GSE1: variants seen among roughly 807,000 people sequenced by gnomAD.
GSE1 encodes the protein genetic suppressor element 1.
Under a neutral mutation model 112.6 loss-of-function variants are expected in GSE1, and 32 were observed. That is an observed-to-expected ratio of 0.28 (90% CI 0.21 to 0.38). GSE1 has a LOEUF of 0.38. Among genes scored for constraint, GSE1 ranks in the 10% least tolerant of loss-of-function variants. GSE1 has a pLI of 1.00. For synonymous variants in GSE1, 1,115 were observed against 735.6 expected (o/e 1.52, Z -8.35); for missense variants, 2,348 against 1,699.2 (o/e 1.38, Z -6.71).
intron 1 of GSE1, chr16:85,594,567 C>G (rs1314258334): frequency 6.6e-6 from 1 of 152,260 alleles, no homozygotes; most frequent in Non-Finnish European, 1.5e-5. Flanking sequence ...TCAGCAAACG[C>G]CCGTGGAGCC....
intron 1 of GSE1, among the ~76,000 whole-genome samples, chr16:85,585,344 C>T (rs556391569): frequency 6.6e-6 from 1 of 152,338 alleles, no homozygotes; most frequent in African/African-American, 2.4e-5. Context: ...GGCTTTCCTT[C>T]TCTCTTCCCT....
chr16:85,384,739 A>T (rs2047647179), intron 2 of GSE1, among the ~76,000 whole-genome samples: 1 of 152,108 alleles, frequency 6.6e-6, no homozygotes, highest in African/African-American at 2.4e-5. Flanking sequence ...CCAGCTAATG[A>T]AGCCCAGGCT....
chr16:85,180,481 G>A (rs1298768007), intron 1 of GSE1, among the ~76,000 whole-genome samples: 2 of 152,242 alleles, frequency 1.3e-5, no homozygotes, highest in African/African-American at 4.8e-5. Context: ...AGCTGCAAGG[G>A]GACGCCAGTG....
At chr16:85,222,026 C>T (rs1417285974) in intron 1 of GSE1, among the ~76,000 whole-genome samples, 1 of 152,188 alleles carries the variant, frequency 6.6e-6, no homozygotes, top group African/African-American at 2.4e-5. Flanking sequence ...ATCTGTCAGC[C>T]TCGGGTCTGC....
chr16:85,598,124 C>T (rs1169121089), intron 1 of GSE1, among the ~76,000 whole-genome samples: 8 of 147,556 alleles, frequency 5.4e-5, no homozygotes, highest in African/African-American at 7.5e-5. Flanking sequence ...CAGGCATCGG[C>T]GTTTTTCTCT....
chr16:85,280,881 CG>C (rs1567659686), intron 1 of GSE1, among the ~76,000 whole-genome samples: 1 of 152,176 alleles, frequency 6.6e-6, no homozygotes, highest in African/African-American at 2.4e-5. Context: ...CAGAGAACAT[CG>C]GCGGTGACAA....
intron 2 of GSE1, among the ~76,000 whole-genome samples, chr16:85,361,041 A>ACATAT (rs1382648570): frequency 1.3e-5 from 2 of 151,908 alleles, no homozygotes; most frequent in Non-Finnish European, 2.9e-5. Context: ...ACTCACATAC[A>ACATAT]CATATGCGAT....
chr16:85,525,792 G>C (rs370466732), intron 2 of GSE1, among the ~76,000 whole-genome samples: 1 of 152,202 alleles, frequency 6.6e-6, no homozygotes, highest in Non-Finnish European at 1.5e-5. Flanking sequence ...CTGGGCTCCA[G>C]TTTCTTCCTA....
intron 2 of GSE1, among the ~76,000 whole-genome samples, chr16:85,414,450 T>C (rs548516944): frequency 2.0e-5 from 3 of 152,306 alleles, no homozygotes; most frequent in Admixed American, 1.3e-4. Flanking sequence ...TCGCATTTTC[T>C]ATTCTGTTTT....
At position 85,265,811 on chromosome 16, in the gene GSE1, G is replaced by A. The variant is rs1597232330; in HGVS notation, c.2284-91652G>A. ...CCGGGGTCCAGGCTTGTGTGACGTA[G>A]ATGATTGAATTTTCCTGATGAGCAG... On this transcript the variant is annotated intron_variant, in intron 1 of 2. Coordinates refer to the GSE1 transcript ENST00000637419. Among the ~76,000 whole-genome samples, 4 of 152,300 alleles carry A rather than the reference G, an allele frequency of 2.6e-5. No individual in the cohort carries two copies. The South Asian group carries it at 8.3e-4, about 32-fold the overall frequency.
At chr16:85,516,574 G>A (rs1169359502) in intron 2 of GSE1, among the ~76,000 whole-genome samples, 1 of 139,280 alleles carries the variant, frequency 7.2e-6, no homozygotes, top group East Asian at 2.1e-4. Context: ...GGCAACAGAG[G>A]AGACCCTGTC....
chr16:85,471,660 C>G (rs1275011856), intron 2 of GSE1, among the ~76,000 whole-genome samples: 1 of 152,200 alleles, frequency 6.6e-6, no homozygotes, highest in Non-Finnish European at 1.5e-5. Context: ...GCAATCTGCC[C>G]TACCAAAGTA....
chr16:85,287,825 C>G (rs2045083220), intron 1 of GSE1, among the ~76,000 whole-genome samples: 1 of 152,178 alleles, frequency 6.6e-6, no homozygotes, highest in Non-Finnish European at 1.5e-5. Flanking sequence ...CCTAAAGGAG[C>G]CGCAGGAGCT....
At chr16:85,370,098 G>T (rs1267468644) in intron 2 of GSE1, among the ~76,000 whole-genome samples, 1 of 152,150 alleles carries the variant, frequency 6.6e-6, no homozygotes, top group African/African-American at 2.4e-5. Context: ...CTGGATACTG[G>T]CCGGACCCAG....
At chr16:85,596,769 C>T (rs915440848) in intron 1 of GSE1, among the ~76,000 whole-genome samples, 12 of 152,104 alleles carry the variant, frequency 7.9e-5, no homozygotes, top group East Asian at 1.9e-4. Flanking sequence ...GGCACGGTAG[C>T]GCACAGCTGT....
intron 2 of GSE1, among the ~76,000 whole-genome samples, chr16:85,432,863 T>G (rs1307298607): frequency 1.3e-5 from 2 of 152,060 alleles, no homozygotes; most frequent in Non-Finnish European, 2.9e-5. Flanking sequence ...TTGGGGATTT[T>G]TGCCTACCCC....
At chr16:85,256,329 G>T (rs534171631) in intron 1 of GSE1, among the ~76,000 whole-genome samples, 2 of 152,180 alleles carry the variant, frequency 1.3e-5, no homozygotes, top group African/African-American at 4.8e-5. Context: ...AGGCAGACAC[G>T]TCTAAGTGCT....
intron 1 of GSE1, among the ~76,000 whole-genome samples, chr16:85,292,659 C>T (rs1409477222): frequency 6.6e-6 from 1 of 151,650 alleles, no homozygotes; most frequent in Non-Finnish European, 1.5e-5. Context: ...GGGGTTTCGA[C>T]ATATTGGCCA....
intron 1 of GSE1, among the ~76,000 whole-genome samples, chr16:85,172,240 A>G (rs1332726949): frequency 2.0e-5 from 3 of 152,210 alleles, no homozygotes; most frequent in Admixed American, 6.5e-5. Flanking sequence ...CAGAGGTGGA[A>G]GTTCCTCTCC....
Sources: allele counts gnomAD v4.1 joint callset (sites outside exome capture counted in the v4.1 genomes callset), GRCh38; gene constraint gnomAD v4.1.1; transcripts MANE v1.5; gene names NCBI Gene and HGNC (gene_info 2026-07-23, HGNC 2026-07-21).